DLG2: variants seen among roughly 807,000 people sequenced by gnomAD.
DLG2 encodes discs large MAGUK scaffold protein 2.
Under a neutral mutation model 132.5 loss-of-function variants are expected in DLG2, and 45 were observed. The observed-to-expected ratio is 0.34, with a 90% confidence interval of 0.27 to 0.44. The LOEUF (loss-of-function observed/expected upper bound fraction) is 0.44. DLG2 is among the 20% of genes least tolerant of loss of function. DLG2 has a pLI of 1.00. For synonymous variants in DLG2, 424 were observed against 419.6 expected (o/e 1.01, Z -0.13); for missense variants, 1,045 against 1,196.9 (o/e 0.87, Z 1.87).
At chr11:84,545,267 T>G (rs1592026564) in intron 6 of DLG2, 1 of 496,556 alleles carries the variant, frequency 2.0e-6, no homozygotes, top group Admixed American at 2.1e-5. Context: ...TCTCTCCTCA[T>G]GGGTCCAAAA....
At chr11:84,011,243 G>A (rs908672577) in intron 11 of DLG2, among the ~76,000 whole-genome samples, 1 of 152,058 alleles carries the variant, frequency 6.6e-6, no homozygotes, top group African/African-American at 2.4e-5. Flanking sequence ...GGCTGAAGTA[G>A]GAGGATTACT....
intron 6 of DLG2, among the ~76,000 whole-genome samples, chr11:84,556,004 G>A (rs1436414655): frequency 2.0e-5 from 3 of 152,156 alleles, no homozygotes; most frequent in African/African-American, 7.2e-5. Flanking sequence ...CCTACAGTAG[G>A]AAGCATCTAG....
intron 6 of DLG2, among the ~76,000 whole-genome samples, chr11:85,072,555 C>T (rs185095643): frequency 8.5e-4 from 129 of 151,920 alleles, no homozygotes; most frequent in African/African-American, 3.1e-3. Flanking sequence ...CCCTCCTTGC[C>T]AAGGGCTTTA....
rs1404667247 is a variant in DLG2, at chr11:85,581,616, TAAAACAAACAAA to T, written c.40+17029_40+17040del. Among the ~76,000 whole-genome samples the T allele has an allele frequency of 3.3e-5, 5 of 151,836 alleles. 1 individual carries two copies. The highest frequency in any genetic ancestry group is 3.3e-4 in the Admixed American group (5 of 15,240). ...CTGGTGACAGAGTGAGACTCCGTCT[TAAAACAAACAAA>T]AAAACAAACAAACAAACAACAAAAA... On this transcript the variant is annotated intron_variant, in intron 3 of 27. Coordinates refer to ENST00000376104, the MANE Select transcript of DLG2 (RefSeq NM_001142699.3).
At chr11:85,205,414 C>T (rs982027542) in intron 4 of DLG2, among the ~76,000 whole-genome samples, 2 of 151,742 alleles carry the variant, frequency 1.3e-5, no homozygotes, top group African/African-American at 4.8e-5. Flanking sequence ...TGAAGAGAAG[C>T]TGGTAAATAG....
intron 6 of DLG2, among the ~76,000 whole-genome samples, chr11:84,601,974 G>A (rs1225473202): frequency 5.3e-5 from 8 of 151,994 alleles, no homozygotes; most frequent in African/African-American, 1.9e-4. Context: ...TTTGTTAAAA[G>A]AGTAGCATAA....
chr11:84,517,411 A>C (rs2099277113), intron 7 of DLG2, among the ~76,000 whole-genome samples: 1 of 151,948 alleles, frequency 6.6e-6, no homozygotes, highest in African/African-American at 2.4e-5. Context: ...AATATCACTA[A>C]TCATCAGGGA....
chr11:85,535,188 T>C (rs1364720449), intron 3 of DLG2, among the ~76,000 whole-genome samples: 2 of 152,174 alleles, frequency 1.3e-5, no homozygotes, highest in African/African-American at 2.4e-5. Context: ...TTGTAGACCA[T>C]GGTAAGGAAT....
At chr11:85,287,667 C>A (rs956725465) in intron 3 of DLG2, among the ~76,000 whole-genome samples, 4 of 152,040 alleles carry the variant, frequency 2.6e-5, no homozygotes, top group Non-Finnish European at 5.9e-5. Context: ...AACTTTGGCA[C>A]ATATGCATCA....
chr11:84,850,914 G>A (rs1298878444), intron 6 of DLG2, among the ~76,000 whole-genome samples: 1 of 151,980 alleles, frequency 6.6e-6, no homozygotes, highest in African/African-American at 2.4e-5. Flanking sequence ...AAAAAGACAG[G>A]TCATGTTTAT....
chr11:85,387,096 C>A (rs1203820892), intron 3 of DLG2, among the ~76,000 whole-genome samples: 2 of 152,082 alleles, frequency 1.3e-5, no homozygotes, highest in Non-Finnish European at 2.9e-5. Flanking sequence ...CCTGTCTGGT[C>A]AGGCTGGTCT....
At chr11:85,367,184 G>A (rs762245925) in intron 3 of DLG2, among the ~76,000 whole-genome samples, 5 of 152,024 alleles carry the variant, frequency 3.3e-5, no homozygotes, top group African/African-American at 4.8e-5. Context: ...TAATAACATA[G>A]TTTTTTGTTT....
chr11:85,316,257 T>C (rs1596183018), intron 3 of DLG2, among the ~76,000 whole-genome samples: 2 of 151,996 alleles, frequency 1.3e-5, no homozygotes, highest in East Asian at 3.9e-4. Context: ...ATGTCGCTAG[T>C]GTAATTAATT....
chr11:85,127,620 G>C (rs766365488), intron 5 of DLG2, among the ~76,000 whole-genome samples: 1 of 152,114 alleles, frequency 6.6e-6, no homozygotes, highest in East Asian at 1.9e-4. Context: ...ATACTTGTTA[G>C]ATTAATAAAA....
chr11:85,335,954 T>G (rs1157134083), intron 3 of DLG2: 1 of 152,120 alleles, frequency 6.6e-6, no homozygotes, highest in South Asian at 2.1e-4. Context: ...TAAAAAAAAA[T>G]TCTTGGTTGA....
chr11:84,010,656 C>A (rs759576578), intron 11 of DLG2, among the ~76,000 whole-genome samples: 1 of 151,842 alleles, frequency 6.6e-6, no homozygotes, highest in Non-Finnish European at 1.5e-5. Context: ...AGTCCTAGCT[C>A]CTTTCTCAAA....
chr11:85,211,262 T>G (rs577809548), intron 4 of DLG2, among the ~76,000 whole-genome samples: 2 of 152,148 alleles, frequency 1.3e-5, no homozygotes, highest in African/African-American at 2.4e-5. Context: ...AAGTACTCAG[T>G]AGATCAAGGG....
At chr11:84,549,572 G>A (rs967835351) in intron 6 of DLG2, among the ~76,000 whole-genome samples, 2 of 152,132 alleles carry the variant, frequency 1.3e-5, no homozygotes, top group Non-Finnish European at 2.9e-5. Flanking sequence ...CCAACCAGCA[G>A]TGCGACTTTA....
intron 3 of DLG2, among the ~76,000 whole-genome samples, chr11:85,508,759 T>C (rs1313481672): frequency 6.6e-6 from 1 of 152,074 alleles, no homozygotes. Context: ...ATGTTCTACT[T>C]TGAAATTGTA....
Sources: allele counts gnomAD v4.1 joint callset (sites outside exome capture counted in the v4.1 genomes callset), GRCh38; gene constraint gnomAD v4.1.1; transcripts MANE v1.5; gene names NCBI Gene and HGNC (gene_info 2026-07-23, HGNC 2026-07-21).